The following TNFAIP8 variants were observed in gnomAD, a reference collection of about 807,000 sequenced individuals.
TNFAIP8 encodes TNF alpha induced protein 8.
Under a neutral mutation model 13.3 loss-of-function variants are expected in TNFAIP8, and 7 were observed. The ratio of observed to expected loss-of-function variants is 0.52; its 90% confidence interval spans 0.30 to 0.99. The LOEUF is 0.99. Among genes scored for constraint, TNFAIP8 ranks in the 50% least tolerant of loss-of-function variants. TNFAIP8 has a pLI of 0.07. For synonymous variants in TNFAIP8, 94 were observed against 87.6 expected, an observed-to-expected ratio of 1.07 and a Z score of -0.41; for missense variants, 258 against 236.9, an observed-to-expected ratio of 1.09 and a Z score of -0.58.
Position 119,368,558 on chromosome 5 carries a change from C to A in TNFAIP8, c.31+12437C>A, listed in dbSNP as rs561049046. 1.4e-4 allele frequency among the ~76,000 whole-genome samples: 21 copies of A among 151,712 alleles called. No homozygotes were observed. The South Asian group carries it at 4.4e-3, about 32-fold the overall frequency. ...ATTTATTAGATGAGAGTGTCTACAA[C>A]AACAAAAAACTTTCTTTTTCTGAAG... On this transcript the variant is annotated intron_variant, in intron 1 of 1. Coordinates refer to ENST00000504771, the MANE Select transcript of TNFAIP8 (RefSeq NM_014350.4).
intron 1 of TNFAIP8, among the ~76,000 whole-genome samples, chr5:119,327,823 A>T (rs1191356041): frequency 6.6e-6 from 1 of 152,180 alleles, no homozygotes; most frequent in East Asian, 1.9e-4. Flanking sequence ...TTTACAAATG[A>T]AGTGACTGAG....
At chr5:119,268,907 A>C (rs749672490) in exon 1 of TNFAIP8, 2 of 700,030 alleles carry the variant, frequency 2.9e-6, no homozygotes, top group South Asian at 3.0e-5. Flanking sequence ...CACTCCTCCG[A>C]GTAAGTGGCT....
intron 1 of TNFAIP8, among the ~76,000 whole-genome samples, chr5:119,369,036 CTTTCT>C (rs757688779): frequency 1.5e-3 from 218 of 148,674 alleles, no homozygotes; most frequent in East Asian, 8.2e-3. Flanking sequence ...ATAAGCCAAA[CTTTCT>C]TTTCTTTTCT....
intron 1 of TNFAIP8, among the ~76,000 whole-genome samples, chr5:119,300,034 G>A (rs59548757): frequency 0.14 from 20,937 of 152,172 alleles, 3,838 homozygotes; most frequent in African/African-American, 0.42. Context: ...TGCCTAGGAA[G>A]GGGAACTCCC....
intron 1 of TNFAIP8, among the ~76,000 whole-genome samples, chr5:119,379,566 G>A (rs895938528): frequency 2.0e-5 from 3 of 152,088 alleles, no homozygotes; most frequent in African/African-American, 7.2e-5. Flanking sequence ...TGTTTGACCT[G>A]TGCTCCTTCA....
intron 1 of TNFAIP8, among the ~76,000 whole-genome samples, chr5:119,292,924 G>A (rs190645427): frequency 1.8e-4 from 27 of 151,826 alleles, no homozygotes; most frequent in African/African-American, 5.8e-4. Flanking sequence ...AATGGCTGCT[G>A]TGGGATGATG....
chr5:119,383,542 A>G (rs1045697779), intron 1 of TNFAIP8, among the ~76,000 whole-genome samples: 3 of 152,196 alleles, frequency 2.0e-5, no homozygotes, highest in Admixed American at 2.0e-4. Context: ...TCCTAGTTTT[A>G]TGTGGAATTA....
chr5:119,391,130 C>T (rs1348635507), intron 1 of TNFAIP8, among the ~76,000 whole-genome samples: 3 of 151,914 alleles, frequency 2.0e-5, no homozygotes, highest in Non-Finnish European at 4.4e-5. Context: ...CACCACACCC[C>T]GCCTTTCCCC....
chr5:119,330,849 AG>A (rs1750354542), intron 1 of TNFAIP8, among the ~76,000 whole-genome samples: 1 of 151,744 alleles, frequency 6.6e-6, no homozygotes, highest in African/African-American at 2.4e-5. Context: ...GTGACACTCC[AG>A]GCTACCTCCA....
intron 1 of TNFAIP8, among the ~76,000 whole-genome samples, chr5:119,330,570 C>T (rs138979695): frequency 5.9e-4 from 90 of 152,178 alleles, no homozygotes; most frequent in African/African-American, 2.1e-3. Flanking sequence ...TGTGCAGGGT[C>T]CTGCTGAATA....
intron 1 of TNFAIP8, among the ~76,000 whole-genome samples, chr5:119,307,833 T>C (rs1467132717): frequency 6.6e-6 from 1 of 152,240 alleles, no homozygotes; most frequent in Non-Finnish European, 1.5e-5. Context: ...AGTGAGAATG[T>C]AGTTTTAATT....
chr5:119,375,396 G>A (rs1752242211), intron 1 of TNFAIP8, among the ~76,000 whole-genome samples: 2 of 152,318 alleles, frequency 1.3e-5, no homozygotes, highest in South Asian at 2.1e-4. Context: ...GCTACGAAAG[G>A]TGGGGGCTGC....
intron 1 of TNFAIP8, among the ~76,000 whole-genome samples, chr5:119,294,190 T>TC (rs1396330802): frequency 1.8e-5 from 2 of 114,170 alleles, no homozygotes; most frequent in Admixed American, 9.1e-5. Flanking sequence ...ATGCTATCCC[T>TC]CCCCCCTCCC....
At chr5:119,287,121 G>T (rs1479821140) in intron 1 of TNFAIP8, among the ~76,000 whole-genome samples, 1 of 152,016 alleles carries the variant, frequency 6.6e-6, no homozygotes. Flanking sequence ...CCTCCTCCAG[G>T]AAACCTTTTC....
intron 1 of TNFAIP8, among the ~76,000 whole-genome samples, chr5:119,350,355 T>C (rs1243119038): frequency 2.6e-5 from 4 of 152,226 alleles, no homozygotes; most frequent in African/African-American, 9.6e-5. Flanking sequence ...TGGGATGATA[T>C]ATGTAAGTTA....
At chr5:119,294,083 A>G (rs938177753) in intron 1 of TNFAIP8, among the ~76,000 whole-genome samples, 1 of 151,914 alleles carries the variant, frequency 6.6e-6, no homozygotes, top group Non-Finnish European at 1.5e-5. Flanking sequence ...TTTAGGGTAC[A>G]TGTGCACAGT....
chr5:119,299,768 C>G (rs983580432), intron 1 of TNFAIP8, among the ~76,000 whole-genome samples: 2 of 152,230 alleles, frequency 1.3e-5, no homozygotes, highest in Non-Finnish European at 2.9e-5. Flanking sequence ...CCACCCAGTT[C>G]GAGCTTCCTG....
intron 1 of TNFAIP8, among the ~76,000 whole-genome samples, chr5:119,371,887 C>T (rs1752085973): frequency 6.6e-6 from 1 of 152,030 alleles, no homozygotes; most frequent in African/African-American, 2.4e-5. Context: ...CCTGTAATCC[C>T]ATCACTTTGG....
chr5:119,324,304 A>G (rs1750149981), intron 1 of TNFAIP8, among the ~76,000 whole-genome samples: 1 of 107,922 alleles, frequency 9.3e-6, no homozygotes, highest in African/African-American at 4.2e-5. Context: ...AAAAAAAAAA[A>G]AAAAAAAAAA....
Sources: allele counts gnomAD v4.1 joint callset (sites outside exome capture counted in the v4.1 genomes callset), GRCh38; gene constraint gnomAD v4.1.1; transcripts MANE v1.5; gene names NCBI Gene and HGNC (gene_info 2026-07-23, HGNC 2026-07-21).